The following KIAA1958 variants were observed in gnomAD, a reference collection of about 807,000 sequenced individuals.
KIAA1958 encodes the protein uncharacterized protein KIAA1958.
KIAA1958 carries 14 observed loss-of-function variants against 47.2 expected under a neutral mutation model. The ratio of observed to expected loss-of-function variants is 0.30; its 90% CI spans 0.20 to 0.46. The LOEUF (loss-of-function observed/expected upper bound fraction) is 0.46. Among genes scored for constraint, KIAA1958 ranks in the 20% least tolerant of loss-of-function variants. The probability of loss-of-function intolerance (pLI) is 1.00; values close to 1 mark genes in which losing one functional copy is unlikely to be tolerated. For synonymous variants in KIAA1958, 354 were observed against 353.3 expected, an observed-to-expected ratio of 1.00 and a Z score of -0.02; for missense variants, 803 against 909.2, an observed-to-expected ratio of 0.88 and a Z score of 1.50.
At chr9:112,595,586 G>T (rs1836008038) in intron 2 of KIAA1958, among the ~76,000 whole-genome samples, 1 of 150,680 alleles carries the variant, frequency 6.6e-6, no homozygotes, top group Non-Finnish European at 1.5e-5. Context: ...GCTGAGGCAG[G>T]AGAATCACTT....
Position 112,660,215 on chromosome 9 carries a change from A to C in KIAA1958, c.*146A>C, listed in dbSNP as rs1174613302. ...CCTGGTGTGGCCTGCCCTCCCTTTG[A>C]CTTGGGGTTTGCTTTTTAAAATGAA... is the stretch of plus-strand genomic sequence containing the variant. On this transcript the variant is annotated 3_prime_UTR_variant, in exon 4 of 4. Transcript: ENST00000337530. 1 of 639,492 alleles carries C rather than the reference A, an allele frequency of 1.6e-6. No individual in the cohort carries two copies. The allele number at this position is 639,492 out of a possible 1,614,324, so 39.6% of individuals were successfully genotyped here.
intron 1 of KIAA1958, among the ~76,000 whole-genome samples, chr9:112,556,264 G>C (rs1267007278): frequency 2.0e-5 from 3 of 152,178 alleles, no homozygotes; most frequent in African/African-American, 7.2e-5. Context: ...GGTTGACTCA[G>C]CTTTCGGTTT....
intron 1 of KIAA1958, among the ~76,000 whole-genome samples, chr9:112,530,402 A>G (rs757638029): frequency 2.0e-5 from 3 of 152,276 alleles, no homozygotes; most frequent in Middle Eastern, 3.4e-3. Context: ...TTCTGGTACT[A>G]TTAGGTGCTC....
At chr9:112,504,960 C>T (rs903427912) in intron 1 of KIAA1958, among the ~76,000 whole-genome samples, 1 of 152,178 alleles carries the variant, frequency 6.6e-6, no homozygotes, top group Non-Finnish European at 1.5e-5. Context: ...TCACCCTACT[C>T]TGCCATCTAA....
intron 1 of KIAA1958, among the ~76,000 whole-genome samples, chr9:112,494,525 G>C (rs1476562990): frequency 2.6e-5 from 4 of 151,270 alleles, no homozygotes; most frequent in African/African-American, 9.7e-5. Flanking sequence ...CTGGAATGCA[G>C]TGGCACCATC....
At chr9:112,501,338 G>A (rs1834134288) in intron 1 of KIAA1958, among the ~76,000 whole-genome samples, 1 of 151,892 alleles carries the variant, frequency 6.6e-6, no homozygotes, top group African/African-American at 2.4e-5. Flanking sequence ...AGCTGCTTGG[G>A]AGACTGAAAT....
At chr9:112,522,377 A>G (rs1334836362) in intron 1 of KIAA1958, among the ~76,000 whole-genome samples, 3 of 152,042 alleles carry the variant, frequency 2.0e-5, no homozygotes, top group African/African-American at 7.3e-5. Flanking sequence ...TATGCCTAAT[A>G]CTCCAGCAAT....
intron 1 of KIAA1958, among the ~76,000 whole-genome samples, chr9:112,534,274 G>GC (rs1194221454): frequency 2.0e-5 from 3 of 152,192 alleles, no homozygotes; most frequent in Non-Finnish European, 2.9e-5. Context: ...CTAGCGTCTA[G>GC]CAGAGGCATG....
chr9:112,578,646 T>C (rs1014702462), intron 2 of KIAA1958, among the ~76,000 whole-genome samples: 2 of 152,158 alleles, frequency 1.3e-5, no homozygotes, highest in African/African-American at 4.8e-5. Flanking sequence ...CATAAAATTA[T>C]AAAATGTTAA....
At chr9:112,644,328 G>A (rs1160147656) in intron 2 of KIAA1958, among the ~76,000 whole-genome samples, 1 of 152,176 alleles carries the variant, frequency 6.6e-6, no homozygotes, top group Non-Finnish European at 1.5e-5. Flanking sequence ...ATGCTCAGAG[G>A]GAGCAGGAAA....
chr9:112,665,887 T>TA lies in KIAA1958; in HGVS notation c.*5819dup. On this transcript the variant is annotated 3_prime_UTR_variant, in exon 4 of 4. Transcript: ENST00000337530. ...TTAAAAAGTAAAGGAGTTCCTAACT[T>TA]ACGCAACAATTACATGCTCAGGTTT... 1 of 152,354 alleles carries TA rather than the reference T, an allele frequency of 6.6e-6. No homozygotes were observed. The highest frequency in any genetic ancestry group is 1.5e-5 in the Non-Finnish European group (1 of 68,034). 9.4% of individuals were successfully genotyped at this position (152,354 alleles called of 1,614,324 possible).
At chr9:112,533,884 G>A (rs1410144183) in intron 1 of KIAA1958, among the ~76,000 whole-genome samples, 1 of 152,134 alleles carries the variant, frequency 6.6e-6, no homozygotes, top group African/African-American at 2.4e-5. Flanking sequence ...AATTCAAGCT[G>A]AGATTTTGGG....
intron 1 of KIAA1958, among the ~76,000 whole-genome samples, chr9:112,509,439 G>T (rs1484551952): frequency 1.3e-5 from 2 of 151,464 alleles, no homozygotes; most frequent in Non-Finnish European, 2.9e-5. Flanking sequence ...GACCTCAGGT[G>T]ATCCACCCTC....
chr9:112,633,814 A>G (rs556201498), intron 2 of KIAA1958, among the ~76,000 whole-genome samples: 5 of 152,198 alleles, frequency 3.3e-5, no homozygotes, highest in Non-Finnish European at 7.3e-5. Context: ...ACTCCTTGTC[A>G]CTATCATATA....
Position 112,615,718 on chromosome 9 carries a change from A to G in KIAA1958, c.1172-29932A>G, listed in dbSNP as rs568248362. Among the ~76,000 whole-genome samples the G allele has an allele frequency of 1.4e-3, 216 of 152,316 alleles. 2 individuals carry two copies. The Middle Eastern group carries it at 0.024, about 17-fold the overall frequency. On this transcript the variant is annotated intron_variant, in intron 2 of 3. Coordinates refer to ENST00000337530, the MANE Select transcript of KIAA1958 (RefSeq NM_133465.4). Reference sequence around the variant, plus strand: ...AGATTTCATCTTTGTCAAAATATGCATAAGACAGGAAATGCTATGGGTTTA... The same window carrying G: ...AGATTTCATCTTTGTCAAAATATGCGTAAGACAGGAAATGCTATGGGTTTA...
At chr9:112,580,028 G>T (rs1835710939) in intron 2 of KIAA1958, among the ~76,000 whole-genome samples, 1 of 152,164 alleles carries the variant, frequency 6.6e-6, no homozygotes, top group African/African-American at 2.4e-5. Context: ...AGATGGTTGT[G>T]CTGCTGGTTT....
intron 2 of KIAA1958, among the ~76,000 whole-genome samples, chr9:112,598,226 G>A (rs1304083606): frequency 6.6e-6 from 1 of 152,152 alleles, no homozygotes; most frequent in Non-Finnish European, 1.5e-5. Flanking sequence ...CTTTGAGAGC[G>A]AAGATGCCTT....
At chr9:112,554,197 C>A (rs1056344669) in intron 1 of KIAA1958, among the ~76,000 whole-genome samples, 2 of 152,124 alleles carry the variant, frequency 1.3e-5, no homozygotes, top group African/African-American at 4.8e-5. Context: ...AAGGCACTTA[C>A]ATTAGTTAAT....
intron 2 of KIAA1958, among the ~76,000 whole-genome samples, chr9:112,636,795 T>C (rs1193854821): frequency 6.6e-6 from 1 of 152,176 alleles, no homozygotes; most frequent in Non-Finnish European, 1.5e-5. Context: ...CCCAGGAGAA[T>C]ATAGCTGAAT....
Sources: allele counts gnomAD v4.1 joint callset (sites outside exome capture counted in the v4.1 genomes callset), GRCh38; gene constraint gnomAD v4.1.1; transcripts MANE v1.5; gene names NCBI Gene and HGNC (gene_info 2026-07-23, HGNC 2026-07-21).